The following GNAO1 variants were observed in gnomAD, a reference collection of about 807,000 sequenced individuals.
GNAO1 encodes the protein guanine nucleotide-binding protein G(o) subunit alpha.
For synonymous variants in GNAO1, 164 were observed against 180.7 expected (o/e 0.91, Z 0.74); for missense variants, 166 against 478.7 (o/e 0.35, Z 6.10).
intron 3 of GNAO1, among the ~76,000 whole-genome samples, chr16:56,312,755 G>A (rs867267470): frequency 2.6e-5 from 4 of 152,216 alleles, no homozygotes; most frequent in African/African-American, 9.6e-5. Flanking sequence ...TGCATGGGAC[G>A]GTCTGCCCAG....
At chr16:56,224,030 G>A (rs1257217100) in intron 2 of GNAO1, among the ~76,000 whole-genome samples, 1 of 152,214 alleles carries the variant, frequency 6.6e-6, no homozygotes, top group African/African-American at 2.4e-5. Context: ...TCTTATACCT[G>A]GGAATCTGAG....
rs1414033263 is a variant in GNAO1 at position 56,356,876 on chromosome 16, G to T, written c.*802G>T. ...TCAGTTTTCCTAGTCTTTGGGAAAC[G>T]GGTTGTGTTTTTTTTCCTTTGCCGT... On this transcript the variant is annotated 3_prime_UTR_variant, in exon 9 of 9. Transcript: ENST00000262493. 1 of 150,938 alleles carries T rather than the reference G, an allele frequency of 6.6e-6. No individual in the cohort carries two copies. Among genetic ancestry groups the T allele is most frequent in the East Asian group, 1.9e-4 (1 of 5,150 alleles). The allele number at this position is 150,938 out of a possible 1,614,324, so 9.3% of individuals were successfully genotyped here. A position where few individuals can be genotyped will look rare whatever the true frequency, so the allele number is the denominator to read the frequency against.
At position 56,356,655 on chromosome 16, in the gene GNAO1, C is replaced by T. The variant is rs1393312421; in HGVS notation, c.*581C>T. Reference sequence around the variant, plus strand: ...GTTCGTATAGAAAAAGCACAGCTCTCACTGGCCAGTAGCTGCCAAAAAGAA... The same window carrying T: ...GTTCGTATAGAAAAAGCACAGCTCTTACTGGCCAGTAGCTGCCAAAAAGAA... On this transcript the variant is annotated 3_prime_UTR_variant, in exon 9 of 9. Coordinates refer to ENST00000262493, the MANE Select transcript of GNAO1 (RefSeq NM_020988.3). 6.5e-6 allele frequency: 1 copy of T among 152,778 alleles called. No individual in the cohort carries two copies. The highest frequency in any genetic ancestry group is 2.4e-5 in the African/African-American group (1 of 41,464). The allele number at this position is 152,778 out of a possible 1,614,324, so 9.5% of individuals were successfully genotyped here. A position where few individuals can be genotyped will look rare whatever the true frequency, so the allele number is the denominator to read the frequency against.
intron 2 of GNAO1, among the ~76,000 whole-genome samples, chr16:56,222,749 T>A (rs2143371739): frequency 6.6e-6 from 1 of 152,192 alleles, no homozygotes; most frequent in South Asian, 2.1e-4. Context: ...GGGCGACAGA[T>A]CCTCGGAGAG....
chr16:56,229,833 T>C (rs1198205362), intron 2 of GNAO1, among the ~76,000 whole-genome samples: 1 of 152,122 alleles, frequency 6.6e-6, no homozygotes, highest in Non-Finnish European at 1.5e-5. Flanking sequence ...AGTGAGTGTC[T>C]GTGGAATGAA....
At chr16:56,308,954 G>C (rs568664025) in intron 3 of GNAO1, among the ~76,000 whole-genome samples, 1 of 152,236 alleles carries the variant, frequency 6.6e-6, no homozygotes, top group African/African-American at 2.4e-5. Context: ...AACTTGGGGT[G>C]AAGGGTACAG....
At chr16:56,305,050 C>T (rs1261642244) in intron 3 of GNAO1, among the ~76,000 whole-genome samples, 1 of 152,222 alleles carries the variant, frequency 6.6e-6, no homozygotes, top group Non-Finnish European at 1.5e-5. Flanking sequence ...GCCTGGCTCT[C>T]TTGGATCTCC....
chr16:56,195,847 C>T (rs2036227639), intron 2 of GNAO1, among the ~76,000 whole-genome samples: 1 of 152,212 alleles, frequency 6.6e-6, no homozygotes, highest in Non-Finnish European at 1.5e-5. Flanking sequence ...CCTGTGTTCT[C>T]ATCCTTGTTG....
chr16:56,292,513 C>T (rs2037241970), intron 3 of GNAO1, among the ~76,000 whole-genome samples: 1 of 152,160 alleles, frequency 6.6e-6, no homozygotes, highest in Non-Finnish European at 1.5e-5. Flanking sequence ...AGGCACATAT[C>T]ACCATACCCA....
At chr16:56,249,077 G>A (rs2036775458) in intron 2 of GNAO1, among the ~76,000 whole-genome samples, 1 of 152,204 alleles carries the variant, frequency 6.6e-6, no homozygotes, top group Admixed American at 6.5e-5. Context: ...GATTTAGGGA[G>A]GTAGCAGAGC....
intron 4 of GNAO1, among the ~76,000 whole-genome samples, chr16:56,333,471 A>C (rs1214754250): frequency 6.6e-6 from 1 of 152,128 alleles, no homozygotes; most frequent in Non-Finnish European, 1.5e-5. Flanking sequence ...TGGCCTCCCA[A>C]AGTGCTGGGA....
chr16:56,339,054 T>C (rs1191844072), intron 6 of GNAO1, among the ~76,000 whole-genome samples: 1 of 152,018 alleles, frequency 6.6e-6, no homozygotes, highest in Admixed American at 6.5e-5. Flanking sequence ...CGGGGAAGAG[T>C]AGCAGCTCGT....
At chr16:56,283,353 G>A (rs1293576108) in intron 3 of GNAO1, among the ~76,000 whole-genome samples, 4 of 152,156 alleles carry the variant, frequency 2.6e-5, no homozygotes, top group South Asian at 2.1e-4. Flanking sequence ...TGGGCTTGCC[G>A]CCCATGCTCT....
At chr16:56,336,657 G>C (rs768611762) in intron 5 of GNAO1, 74 bp from the exon 6 acceptor site, 73 of 1,413,210 alleles carry the variant, frequency 5.2e-5, no homozygotes, top group Non-Finnish European at 6.6e-5. Context: ...GCCTCTCAGC[G>C]TGCTCACAGC....
At chr16:56,259,012 C>T (rs1436951471) in intron 2 of GNAO1, among the ~76,000 whole-genome samples, 1 of 152,194 alleles carries the variant, frequency 6.6e-6, no homozygotes, top group African/African-American at 2.4e-5. Flanking sequence ...ATACGCGTGG[C>T]TTTAGATGGC....
intron 6 of GNAO1, chr16:56,340,740 A>G: frequency 1.8e-6 from 2 of 1,122,180 alleles, no homozygotes; most frequent in Non-Finnish European, 2.6e-6. Context: ...ACATTGGTGG[A>G]CCTTCCCTTT....
chr16:56,266,974 C>T (rs887695888), intron 2 of GNAO1, among the ~76,000 whole-genome samples: 1 of 152,176 alleles, frequency 6.6e-6, no homozygotes, highest in Non-Finnish European at 1.5e-5. Context: ...GTGTCCACAT[C>T]GTGTGCCCTC....
intron 3 of GNAO1, among the ~76,000 whole-genome samples, chr16:56,295,851 G>C (rs2037282944): frequency 1.3e-5 from 2 of 152,252 alleles, no homozygotes; most frequent in African/African-American, 4.8e-5. Flanking sequence ...CTCCTGGGTA[G>C]TTGTTTGGGG....
At chr16:56,316,061 A>G (rs1481953440) in intron 3 of GNAO1, among the ~76,000 whole-genome samples, 1 of 149,148 alleles carries the variant, frequency 6.7e-6, no homozygotes, top group East Asian at 2.0e-4. Context: ...CTCTGACTCA[A>G]AAAAAAAAAG....
Sources: allele counts gnomAD v4.1 joint callset (sites outside exome capture counted in the v4.1 genomes callset), GRCh38; gene constraint gnomAD v4.1.1; transcripts MANE v1.5; gene names NCBI Gene and HGNC (gene_info 2026-07-23, HGNC 2026-07-21).